The following EEF1A1 variants were observed in gnomAD, a reference collection of about 807,000 sequenced individuals.
The protein encoded by EEF1A1 is elongation factor 1-alpha 1.
In EEF1A1, 1 loss-of-function variant was observed where a neutral mutation model predicts 38.5. That is an observed-to-expected ratio of 0.03 (90% CI 0.01 to 0.12). The LOEUF (loss-of-function observed/expected upper bound fraction) is 0.12. Among genes scored for constraint, EEF1A1 ranks in the 10% least tolerant of loss-of-function variants. The pLI is 1.00. For synonymous variants in EEF1A1, 229 were observed against 203.7 expected, an observed-to-expected ratio of 1.12 and a Z score of -1.06; for missense variants, 184 against 588.3, an observed-to-expected ratio of 0.31 and a Z score of 7.11.
rs1765553110 is a variant in EEF1A1, at chr6:73,517,642, A to T, written c.*168T>A. The T allele has an allele frequency of 2.2e-6, 1 of 447,020 alleles. No homozygotes were observed. Among genetic ancestry groups the T allele is most frequent in the South Asian group, 5.7e-5 (1 of 17,534 alleles). 27.7% of individuals were successfully genotyped at this position (447,020 alleles called of 1,614,324 possible). A position where few individuals can be genotyped will look rare whatever the true frequency, so the allele number is the denominator to read the frequency against. ...ACTGCCACACGCAAAAAAGAAAACC[A>T]AAGTGGTCCACAAAACATTCTCCTT... On this transcript the variant is annotated 3_prime_UTR_variant, in exon 8 of 8. Transcript: ENST00000309268.
intron 1 of EEF1A1, chr6:73,520,509 G>T (rs1286637942): frequency 6.5e-6 from 1 of 153,570 alleles, no homozygotes; most frequent in African/African-American, 2.4e-5. Flanking sequence ...GCGAGGCCAG[G>T]CACCAGAGCA....
Position 73,518,717 on chromosome 6 carries a change from C to T in EEF1A1, c.753G>A (p.Gln251=), listed in dbSNP as rs1433605019. Residue 251 remains glutamine, a synonymous_variant, in exon 5 of 8, where the codon CAG becomes CAA. Transcript: ENST00000309268. The part of the protein sequence containing the change: ...PTDKPLRLPL[Q]DVYKIGGIGT... ...ACTTACCACCAATTTTGTAGACATC[C>T]TGGAGAGGCAGGCGCAAGGGCTTGT... The T allele has an allele frequency of 6.2e-7, 1 of 1,613,932 alleles. No homozygotes were observed. The highest frequency in any genetic ancestry group is 1.3e-5 in the African/African-American group (1 of 74,904).
At chr6:73,520,225 C>A (rs1470223038) in intron 1 of EEF1A1, 169 bp from the exon 2 acceptor site, 3 of 592,108 alleles carry the variant, frequency 5.1e-6, no homozygotes, top group Non-Finnish European at 8.5e-6. Context: ...AAAACCCCTC[C>A]CCCCAACCTA....
chr6:73,518,663 C>A, intron 5 of EEF1A1, 35 bp downstream of exon 5: 2 of 1,613,058 alleles, frequency 1.2e-6, no homozygotes, highest in African/African-American at 2.7e-5. Flanking sequence ...AGTACTCTAT[C>A]AACTCAAATT....
chr6:73,518,877 A>C, intron 4 of EEF1A1, 29 bp from the exon 5 acceptor site: 1 of 1,611,694 alleles, frequency 6.2e-7, no homozygotes. Context: ...AATTTGTGTA[A>C]GCATGAAATC....
chr6:73,515,775 A>T lies in EEF1A1; in HGVS notation c.*2035T>A, dbSNP rs1441897039. On this transcript the variant is annotated 3_prime_UTR_variant, in exon 8 of 8. Transcript: ENST00000309268. The stretch of plus-strand genomic sequence containing the variant: ...TTAAAGCTTAAAATTCATTTATTGT[A>T]GTGAGCAAGTTTGTAATGAATACCA... 4 of 152,236 alleles carry T rather than the reference A, an allele frequency of 2.6e-5. No individual in the cohort carries two copies. The highest frequency in any genetic ancestry group is 5.9e-5 in the Non-Finnish European group (4 of 68,034). 9.4% of individuals were successfully genotyped at this position (152,236 alleles called of 1,614,324 possible). A position where few individuals can be genotyped will look rare whatever the true frequency, so the allele number is the denominator to read the frequency against.
rs552998475 is a variant in EEF1A1, at chr6:73,517,840, C to T, written c.1359G>A (p.Lys453=). The T allele has an allele frequency of 3.1e-6, 5 of 1,592,774 alleles. No individual in the cohort carries two copies. The highest frequency in any genetic ancestry group is 2.2e-5 in the South Asian group (2 of 90,250). The change falls in exon 8 of 8, where the codon AAG becomes AAA. Residue 453 remains lysine, a synonymous_variant. Coordinates refer to ENST00000309268, the MANE Select transcript of EEF1A1 (RefSeq NM_001402.6). ...TAGCCTTCTGAGCTTTCTGGGCAGA[C>T]TTGGTGACCTTGCCAGCTCCAGCAG... is the stretch of plus-strand genomic sequence containing the variant. The part of the protein sequence containing the change: ...KKAAGAGKVT[K]SAQKAQKAK
At chr6:73,518,331 T>C in intron 6 of EEF1A1, 23 bp downstream of exon 6, 2 of 1,612,298 alleles carry the variant, frequency 1.2e-6, no homozygotes, top group Non-Finnish European at 1.7e-6. Flanking sequence ...CTGCAATAAG[T>C]TAATGTTACT....
In EEF1A1 at chr6:73,519,435, A is replaced by C. The variant is rs1207282834; in HGVS notation, c.226T>G (p.Ser76Ala). Residue 76 changes from serine to alanine, a missense_variant, in exon 3 of 8, where the codon TCC (serine) becomes GCC (alanine). By Grantham distance (99) the Ser-to-Ala change is moderately conservative. Coordinates refer to ENST00000309268, the MANE Select transcript of EEF1A1 (RefSeq NM_001402.6). ...TTGCTGGTCTCAAATTTCCACAAGGAGATATCAATGGTGATACCACGTTCA... is the reference window on the plus strand; with the variant it reads ...TTGCTGGTCTCAAATTTCCACAAGGCGATATCAATGGTGATACCACGTTCA... ...ERERGITIDI[S>A]LWKFETSKYY... The C allele has an allele frequency of 6.2e-7, 1 of 1,604,990 alleles. No homozygotes were observed. The highest frequency in any genetic ancestry group is 8.5e-7 in the Non-Finnish European group (1 of 1,179,730).
chr6:73,519,840 A>C (rs1307141737), intron 2 of EEF1A1, 43 bp downstream of exon 2: 1 of 1,609,864 alleles, frequency 6.2e-7, no homozygotes, highest in African/African-American at 1.3e-5. Context: ...CTGCTGGTAA[A>C]ACTCATTTTA....
chr6:73,517,850 T>C lies in EEF1A1; in HGVS notation c.1349A>G (p.Lys450Arg), dbSNP rs1357974592. ...AGCTTTCTGGGCAGACTTGGTGACC[T>C]TGCCAGCTCCAGCAGCCTTCTTGTC... ...AVDKKAAGAGKVTKSAQKAQK... is the reference protein window; with the variant it reads ...AVDKKAAGAGRVTKSAQKAQK... The change falls in exon 8 of 8, where the codon AAG becomes AGG. Residue 450 changes from lysine to arginine, a missense_variant. By Grantham distance (26) the Lys-to-Arg change is conservative. This residue lies in a region of EEF1A1 where 81 missense variants were observed against 286.3 expected (regional missense o/e 0.28). Transcript: ENST00000309268. 2 of 1,601,118 alleles carry C rather than the reference T, an allele frequency of 1.2e-6. No homozygotes were observed. The highest frequency in any genetic ancestry group is 1.7e-5 in the Admixed American group (1 of 59,286).
chr6:73,517,950 TTAA>T lies in EEF1A1; in HGVS notation c.1265-19_1265-17del, dbSNP rs780567363. 2.5e-6 allele frequency: 4 copies of T among 1,613,656 alleles called. No homozygotes were observed. Among genetic ancestry groups the T allele is most frequent in the Admixed American group, 1.7e-5 (1 of 59,910 alleles). ...GCAAAGCGACCTATTAAAAAAAAAG[TTAA>T]TTATTACCCAAAGTACTGTTCAGTT... On this transcript the variant is annotated splice_polypyrimidine_tract_variant and intron_variant, in intron 7 of 7. Transcript: ENST00000309268.
Position 73,517,375 on chromosome 6 carries a change from T to A in EEF1A1, c.*435A>T, listed in dbSNP as rs998272433. ...ATGATATTCCTTCCCCTTCCAATTA[T>A]GTGGGGGGAAAACAACCCTATTCTC... On this transcript the variant is annotated 3_prime_UTR_variant, in exon 8 of 8. Transcript: ENST00000309268. 3 of 161,480 alleles carry A rather than the reference T, an allele frequency of 1.9e-5. No homozygotes were observed. The highest frequency in any genetic ancestry group is 7.2e-5 in the African/African-American group (3 of 41,580). The allele number at this position is 161,480 out of a possible 1,614,324, so 10.0% of individuals were successfully genotyped here.
At chr6:73,519,774 C>CTA in intron 2 of EEF1A1, 109 bp downstream of exon 2, 1 of 1,483,598 alleles carries the variant, frequency 6.7e-7, no homozygotes, top group Non-Finnish European at 9.1e-7. Context: ...AAGGTCTTAA[C>CTA]TATTAGCATT....
At chr6:73,520,282 C>T (rs1191847598) in intron 1 of EEF1A1, 3 of 420,716 alleles carry the variant, frequency 7.1e-6, no homozygotes, top group East Asian at 9.2e-5. Flanking sequence ...GGTGCCTGGA[C>T]GGCGCCCGGT....
chr6:73,518,340 C>CTTTA lies in EEF1A1; in HGVS notation c.1029+10_1029+13dup. On this transcript the variant is annotated intron_variant, in intron 6 of 7. Transcript: ENST00000309268. ...TAGCCTCTGCAATAAGTTAATGTTA[C>CTTTA]TTTAAATTGTTACCTGAGCAGTGAA... 3.7e-6 allele frequency: 6 copies of CTTTA among 1,612,464 alleles called. No individual in the cohort carries two copies. Among genetic ancestry groups the CTTTA allele is most frequent in the Non-Finnish European group, 5.1e-6 (6 of 1,179,130 alleles).
In EEF1A1 at chr6:73,516,617, CAG is replaced by C. The variant is rs1458664163; in HGVS notation, c.*1191_*1192del. Reference sequence around the variant, plus strand: ...AAATTTTTAAAAACCATCACACAAACAGAAAGCATGTCCTTTAATTTTACCTA... The same window carrying C: ...AAATTTTTAAAAACCATCACACAAACAAAGCATGTCCTTTAATTTTACCTA... On this transcript the variant is annotated 3_prime_UTR_variant, in exon 8 of 8. Coordinates refer to ENST00000309268, the MANE Select transcript of EEF1A1 (RefSeq NM_001402.6). The C allele has an allele frequency of 6.6e-6, 1 of 152,050 alleles. No homozygotes were observed. Among genetic ancestry groups the C allele is most frequent in the African/African-American group, 2.4e-5 (1 of 41,428 alleles). The allele number at this position is 152,050 out of a possible 1,614,324, so 9.4% of individuals were successfully genotyped here.
Position 73,519,133 on chromosome 6 carries a change from A to C in EEF1A1, c.420T>G (p.Ala140=). The change falls in exon 4 of 8, where the codon GCT becomes GCG. Residue 140 remains alanine, a synonymous_variant. Coordinates refer to ENST00000309268, the MANE Select transcript of EEF1A1 (RefSeq NM_001402.6). ...NGQTREHALL[A]YTLGVKQLIV... ...TTAGTTGTTTCACACCCAGTGTGTA[A>C]GCCAGAAGGGCATGCTCTCGGGTCT... 1 of 1,598,706 alleles carries C rather than the reference A, an allele frequency of 6.3e-7. No individual in the cohort carries two copies. Among genetic ancestry groups the C allele is most frequent in the Non-Finnish European group, 8.5e-7 (1 of 1,176,314 alleles).
At chr6:73,518,892 T>C (rs955268012) in intron 4 of EEF1A1, 40 bp downstream of exon 4, 5 of 1,610,682 alleles carry the variant, frequency 3.1e-6, no homozygotes, top group Non-Finnish European at 4.2e-6. Flanking sequence ...GAAATCGCCA[T>C]TCCCAGAGCT....
Sources: gnomAD v4.1 joint callset for allele counts on GRCh38, gnomAD v4.1.1 for gene constraint, gnomAD v4.1.1 regional missense constraint, MANE v1.5 for transcripts, NCBI Gene and HGNC (gene_info 2026-07-23, HGNC 2026-07-21) for gene names.